TOPAZ1: variants seen among roughly 807,000 people sequenced by gnomAD.
TOPAZ1 encodes testis and ovary specific TOPAZ 1, also known as protein TOPAZ1.
In TOPAZ1, 66 loss-of-function variants were observed where a neutral mutation model predicts 172.2. That is an observed-to-expected ratio of 0.38 (90% CI 0.31 to 0.47). The LOEUF is 0.47. Among genes scored for constraint, TOPAZ1 ranks in the 20% least tolerant of loss-of-function variants. TOPAZ1 has a pLI of 0.99. For synonymous variants in TOPAZ1, 681 were observed against 683.9 expected, an observed-to-expected ratio of 1.00 and a Z score of 0.07; for missense variants, 1,822 against 1,972.4, an observed-to-expected ratio of 0.92 and a Z score of 1.44.
chr3:44,290,559 G>A (rs1167296238), intron 11 of TOPAZ1, among the ~76,000 whole-genome samples: 1 of 152,172 alleles, frequency 6.6e-6, no homozygotes, highest in Non-Finnish European at 1.5e-5. Flanking sequence ...AGAGCAGGAA[G>A]AAAATCCAAA....
intron 19 of TOPAZ1, among the ~76,000 whole-genome samples, chr3:44,331,117 A>G (rs1173248133): frequency 6.6e-6 from 1 of 152,232 alleles, no homozygotes; most frequent in East Asian, 1.9e-4. Flanking sequence ...GAATAATTGT[A>G]GTTATTCACT....
chr3:44,302,045 T>C (rs1559543044), intron 12 of TOPAZ1, among the ~76,000 whole-genome samples: 1 of 152,238 alleles, frequency 6.6e-6, no homozygotes, highest in Non-Finnish European at 1.5e-5. Context: ...TTCTCTTAGG[T>C]ATGTTATGTG....
chr3:44,244,350 A>G lies in TOPAZ1; in HGVS notation c.1844A>G (p.Asp615Gly), dbSNP rs1229318288. 1.0e-5 allele frequency: 16 copies of G among 1,550,756 alleles called. No individual in the cohort carries two copies. Among genetic ancestry groups the G allele is most frequent in the Non-Finnish European group, 1.2e-5 (14 of 1,146,688 alleles). ...GSEVISNTTE[D>G]TQLTSETQSL... ...GAGGTAATTTCTAACACTACTGAAGATACTCAATTAACCAGTGAGACTCAA... is the reference window on the plus strand; with the variant it reads ...GAGGTAATTTCTAACACTACTGAAGGTACTCAATTAACCAGTGAGACTCAA... The change falls in exon 2 of 20, where the codon GAT (aspartate) becomes GGT (glycine). Residue 615 changes from aspartate (D) to glycine (G), a missense_variant. This residue lies in a region of TOPAZ1 where 1,489 missense variants were observed against 1,490.8 expected (regional missense o/e 1.00). Coordinates refer to ENST00000309765, the MANE Select transcript of TOPAZ1 (RefSeq NM_001145030.2).
intron 15 of TOPAZ1, among the ~76,000 whole-genome samples, 180 bp from the exon 16 acceptor site, chr3:44,309,645 T>C (rs1463043621): frequency 6.6e-6 from 1 of 152,196 alleles, no homozygotes; most frequent in African/African-American, 2.4e-5. Flanking sequence ...TGTTCCTCTT[T>C]CCCTTTCATC....
intron 9 of TOPAZ1, among the ~76,000 whole-genome samples, chr3:44,285,297 A>G (rs1266938846): frequency 6.6e-6 from 1 of 151,970 alleles, no homozygotes; most frequent in Non-Finnish European, 1.5e-5. Flanking sequence ...CCCCATCTCT[A>G]TAAAAATAAA....
At chr3:44,290,639 T>A (rs11927593) in intron 11 of TOPAZ1, 132 bp from the exon 12 acceptor site, 113,531 of 589,094 alleles carry the variant, frequency 0.19, 12,204 homozygotes, top group Middle Eastern at 0.26. Context: ...TCAATTTTTT[T>A]AAATGAGTTT....
At position 44,274,659 on chromosome 3, in the gene TOPAZ1, A is replaced by G. The variant is rs1031178351; in HGVS notation, c.3372+3849A>G. On this transcript the variant is annotated intron_variant, in intron 8 of 19. Coordinates refer to ENST00000309765, the MANE Select transcript of TOPAZ1 (RefSeq NM_001145030.2). ...AACCTCCGCCTCCCGGGTTCAAGCG[A>G]TTCTCCTGCCTCAGCCTCCCAAGTA... Among the ~76,000 whole-genome samples, 9 of 151,402 alleles carry G rather than the reference A, an allele frequency of 5.9e-5. No individual in the cohort carries two copies. In the South Asian group the frequency reaches 1.9e-3, roughly 32 times the overall value.
Position 44,244,986 on chromosome 3 carries a change from A to G in TOPAZ1, c.2480A>G (p.Glu827Gly). Residue 827 changes from glutamate to glycine, a missense_variant, in exon 2 of 20, where the codon GAA becomes GGA. Around this residue, in one of 2 missense-constraint regions of TOPAZ1, gnomAD observed 1,489 missense variants for 1,490.8 expected, o/e 1.00. Coordinates refer to ENST00000309765, the MANE Select transcript of TOPAZ1 (RefSeq NM_001145030.2). ...CCTTCCTTCTGCTGTAATGAACAAG[A>G]AACATTCCGACCAGTGTCCAGTGAA... is the stretch of plus-strand genomic sequence containing the variant. The part of the protein sequence containing the change: ...KSPSFCCNEQ[E>G]TFRPVSSEVR... 6 of 1,551,736 alleles carry G rather than the reference A, an allele frequency of 3.9e-6. No homozygotes were observed. The highest frequency in any genetic ancestry group is 5.2e-6 in the Non-Finnish European group (6 of 1,147,010).
chr3:44,322,470 C>G (rs1452788697), intron 17 of TOPAZ1, among the ~76,000 whole-genome samples: 1 of 152,212 alleles, frequency 6.6e-6, no homozygotes, highest in Non-Finnish European at 1.5e-5. Flanking sequence ...CTTAATGCAT[C>G]CTCTGAAATT....
At chr3:44,299,623 A>G (rs1700245147) in intron 12 of TOPAZ1, among the ~76,000 whole-genome samples, 1 of 152,168 alleles carries the variant, frequency 6.6e-6, no homozygotes, top group South Asian at 2.1e-4. Context: ...AAGGACTACA[A>G]ATCATGCTGC....
chr3:44,291,590 C>G (rs1700138593), intron 12 of TOPAZ1, among the ~76,000 whole-genome samples: 1 of 149,548 alleles, frequency 6.7e-6, no homozygotes, highest in South Asian at 2.1e-4. Context: ...GAGACTCCGT[C>G]TCAAAAATAA....
At chr3:44,298,536 A>C (rs997007853) in intron 12 of TOPAZ1, among the ~76,000 whole-genome samples, 3 of 152,158 alleles carry the variant, frequency 2.0e-5, no homozygotes, top group African/African-American at 7.2e-5. Flanking sequence ...TAATCAAGTA[A>C]TTAAGAAAGT....
intron 16 of TOPAZ1, among the ~76,000 whole-genome samples, chr3:44,319,272 G>A (rs1375624686): frequency 1.3e-5 from 2 of 152,246 alleles, no homozygotes; most frequent in East Asian, 3.9e-4. Context: ...GAGATGATGT[G>A]GGGAGAGAGC....
chr3:44,311,655 T>C (rs1287968509), intron 16 of TOPAZ1, among the ~76,000 whole-genome samples: 2 of 152,158 alleles, frequency 1.3e-5, no homozygotes, highest in African/African-American at 2.4e-5. Context: ...AAGTAAAATT[T>C]TATCTCTACA....
At chr3:44,304,423 A>G (rs1700311838) in intron 13 of TOPAZ1, among the ~76,000 whole-genome samples, 1 of 152,218 alleles carries the variant, frequency 6.6e-6, no homozygotes, top group African/African-American at 2.4e-5. Flanking sequence ...CTTGTCATGG[A>G]TGGCTACAGT....
intron 19 of TOPAZ1, among the ~76,000 whole-genome samples, chr3:44,331,188 T>C (rs927797966): frequency 2.6e-5 from 4 of 152,218 alleles, no homozygotes; most frequent in Admixed American, 2.0e-4. Flanking sequence ...TCAAACTGGG[T>C]TGCAGACTAT....
chr3:44,290,246 A>C (rs752737545), intron 11 of TOPAZ1, among the ~76,000 whole-genome samples: 14 of 152,200 alleles, frequency 9.2e-5, no homozygotes, highest in Non-Finnish European at 1.0e-4. Flanking sequence ...GGTTCTCTTC[A>C]TTAGCGTTGA....
At chr3:44,298,920 T>A (rs867567201) in intron 12 of TOPAZ1, among the ~76,000 whole-genome samples, 2,074 of 56,624 alleles carry the variant, frequency 0.037, 52 homozygotes, top group African/African-American at 0.057. Context: ...TTTTTTTTTT[T>A]TTTTTTTTTT....
intron 8 of TOPAZ1, 138 bp downstream of exon 8, chr3:44,270,948 A>G (rs1046957643): frequency 1.4e-6 from 1 of 736,840 alleles, no homozygotes; most frequent in African/African-American, 1.8e-5. Context: ...AAATGGAATC[A>G]TATGTGTATT....
Sources: allele counts gnomAD v4.1 joint callset (sites outside exome capture counted in the v4.1 genomes callset), GRCh38; gene constraint gnomAD v4.1.1; regional missense constraint gnomAD v4.1.1; transcripts MANE v1.5; gene names NCBI Gene and HGNC (gene_info 2026-07-23, HGNC 2026-07-21).